The following TASP1 variants were observed in gnomAD, a reference collection of about 807,000 sequenced individuals.
TASP1 encodes threonine aspartase 1.
TASP1 carries 16 observed loss-of-function variants against 56.6 expected under a neutral mutation model. That is an observed-to-expected ratio of 0.28 (90% CI 0.19 to 0.43). TASP1 has a LOEUF of 0.43. TASP1 is among the 20% of genes least tolerant of loss of function. The pLI is 1.00. For synonymous variants in TASP1, 179 were observed against 184.2 expected, an observed-to-expected ratio of 0.97 and a Z score of 0.23; for missense variants, 393 against 511.6, an observed-to-expected ratio of 0.77 and a Z score of 2.24.
At chr20:13,128,701 T>A in the TASP1 span, among the ~76,000 whole-genome samples, 2 of 151,914 alleles carry the variant, frequency 1.3e-5, no homozygotes, top group South Asian at 4.2e-4. Context: ...TGGGTTTTTT[T>A]AAAATTTGAG....
the TASP1 span, among the ~76,000 whole-genome samples, chr20:13,315,421 A>G: frequency 1.3e-5 from 2 of 152,054 alleles, no homozygotes; most frequent in Non-Finnish European, 2.9e-5. Context: ...AAGACCAAGG[A>G]AAGTTATCAG....
At chr20:13,174,765 T>C in the TASP1 span, among the ~76,000 whole-genome samples, 1 of 152,086 alleles carries the variant, frequency 6.6e-6, no homozygotes, top group Non-Finnish European at 1.5e-5. Flanking sequence ...AATTTTCATC[T>C]ACAAGATGCA....
the TASP1 span, among the ~76,000 whole-genome samples, chr20:13,341,719 T>C: frequency 6.6e-6 from 1 of 152,322 alleles, no homozygotes; most frequent in East Asian, 1.9e-4. Context: ...CAAACTTCTA[T>C]CATTTTTCAA....
chr20:13,286,628 G>A, the TASP1 span, among the ~76,000 whole-genome samples: 3 of 152,254 alleles, frequency 2.0e-5, no homozygotes, highest in East Asian at 3.9e-4. Flanking sequence ...TCAGAGTTAG[G>A]GAGGAGGACA....
the TASP1 span, among the ~76,000 whole-genome samples, chr20:13,233,688 G>A: frequency 2.1e-4 from 32 of 152,028 alleles, no homozygotes; most frequent in Non-Finnish European, 4.3e-4. Context: ...CTGGGCACAT[G>A]GGACATAGGA....
chr20:13,146,927 C>T, the TASP1 span, among the ~76,000 whole-genome samples: 1 of 152,218 alleles, frequency 6.6e-6, no homozygotes, highest in African/African-American at 2.4e-5. Flanking sequence ...GATCTCCAAG[C>T]CTCTGTTTCC....
the TASP1 span, among the ~76,000 whole-genome samples, chr20:13,297,376 T>G: frequency 6.6e-6 from 1 of 152,208 alleles, no homozygotes; most frequent in African/African-American, 2.4e-5. Context: ...ACTCGTTTGC[T>G]CCACACCCTG....
chr20:13,570,143 T>A (rs2046662661), intron 6 of TASP1, among the ~76,000 whole-genome samples: 1 of 148,792 alleles, frequency 6.7e-6, no homozygotes, highest in Non-Finnish European at 1.5e-5. Flanking sequence ...GTCCCAAAAG[T>A]AACTTTTAAG....
the TASP1 span, among the ~76,000 whole-genome samples, chr20:13,197,936 G>A: frequency 6.6e-6 from 1 of 152,142 alleles, no homozygotes; most frequent in Non-Finnish European, 1.5e-5. Context: ...TAAAAAAGAA[G>A]AGTGTCATTT....
intron 11 of TASP1, among the ~76,000 whole-genome samples, chr20:13,453,948 A>G (rs2043727472): frequency 6.6e-6 from 1 of 152,072 alleles, no homozygotes; most frequent in Non-Finnish European, 1.5e-5. Flanking sequence ...AAGATGAGGA[A>G]GAAGGAAGAT....
the TASP1 span, among the ~76,000 whole-genome samples, chr20:13,295,398 TTATATTCC>T: frequency 8.1e-4 from 124 of 152,298 alleles, no homozygotes; most frequent in East Asian, 7.3e-3. Context: ...ACCAACAATC[TTATATTCC>T]TATACCTTCT....
intron 11 of TASP1, among the ~76,000 whole-genome samples, chr20:13,478,813 G>C (rs1235140143): frequency 1.3e-5 from 2 of 151,978 alleles, no homozygotes; most frequent in Admixed American, 1.3e-4. Context: ...AAAAAGAGAG[G>C]AAATGAAATC....
At chr20:13,338,033 A>G in the TASP1 span, among the ~76,000 whole-genome samples, 1 of 152,222 alleles carries the variant, frequency 6.6e-6, no homozygotes, top group Non-Finnish European at 1.5e-5. Flanking sequence ...AGGCAAGTAC[A>G]TAAAGTGAGA....
the TASP1 span, among the ~76,000 whole-genome samples, chr20:13,184,875 C>T: frequency 6.6e-6 from 1 of 152,138 alleles, no homozygotes; most frequent in Admixed American, 6.5e-5. Context: ...GACCCACAGA[C>T]ACGAGTGAGA....
intron 4 of TASP1, among the ~76,000 whole-genome samples, chr20:13,590,521 T>C (rs1601363140): frequency 1.3e-5 from 2 of 152,152 alleles, no homozygotes; most frequent in African/African-American, 4.8e-5. Flanking sequence ...ATACTCTATA[T>C]GTTCAGGTAG....
At chr20:13,386,779 G>T (rs2041165663), downstream of TASP1, among the ~76,000 whole-genome samples, 1 of 152,136 alleles carries the variant, frequency 6.6e-6, no homozygotes. Context: ...AAGCCCCTCA[G>T]ACTAGCATCT....
At chr20:13,116,601 C>G in the TASP1 span, among the ~76,000 whole-genome samples, 1 of 152,148 alleles carries the variant, frequency 6.6e-6, no homozygotes, top group Admixed American at 6.5e-5. Context: ...TAGAGCATTT[C>G]TGTCTCTGCC....
intron 11 of TASP1, among the ~76,000 whole-genome samples, chr20:13,442,199 G>A (rs1314284180): frequency 6.6e-6 from 1 of 151,890 alleles, no homozygotes; most frequent in Non-Finnish European, 1.5e-5. Context: ...ACTTTCTGGG[G>A]TAAAGGTATT....
intron 1 of TASP1, among the ~76,000 whole-genome samples, chr20:13,636,621 T>G (rs1274200024): frequency 3.3e-5 from 5 of 152,350 alleles, no homozygotes; most frequent in East Asian, 1.9e-4. Flanking sequence ...TTTTATACCA[T>G]GTTTAACACA....
Sources: allele counts gnomAD v4.1 joint callset (sites outside exome capture counted in the v4.1 genomes callset), GRCh38; gene constraint gnomAD v4.1.1; transcripts MANE v1.5; gene names NCBI Gene and HGNC (gene_info 2026-07-23, HGNC 2026-07-21).